MPHOSPH6: variants seen among roughly 807,000 people sequenced by gnomAD.
MPHOSPH6 encodes the protein M-phase phosphoprotein 6.
Under a neutral mutation model 21.8 loss-of-function variants are expected in MPHOSPH6, and 25 were observed. The observed-to-expected ratio is 1.15, with a 90% CI of 0.83 to 1.60. The LOEUF is 1.60. Ranked by LOEUF, MPHOSPH6 falls within the 40% of genes most tolerant of loss-of-function variation. The pLI is 0.00. For missense variants in MPHOSPH6, 269 were observed against 181.8 expected, an observed-to-expected ratio of 1.48 and a Z score of -2.76; for synonymous variants, 84 against 56.5, an observed-to-expected ratio of 1.49 and a Z score of -2.18.
Position 82,149,742 on chromosome 16 carries a change from T to C in MPHOSPH6, c.256-339A>G, listed in dbSNP as rs938206016. On this transcript the variant is annotated intron_variant, in intron 3 of 4. Coordinates refer to ENST00000258169, the MANE Select transcript of MPHOSPH6 (RefSeq NM_005792.2). ...GAAGAAATAATAAACTTTCAGATTT[T>C]CCCTGAACTTCCCCCACCCATCTTT... Among the ~76,000 whole-genome samples, 8 of 152,190 alleles carry C rather than the reference T, an allele frequency of 5.3e-5. No individual in the cohort carries two copies. The East Asian group carries it at 1.5e-3, about 29-fold the overall frequency.
chr16:82,170,094 G>T, intron 1 of MPHOSPH6, 31 bp downstream of exon 1: 1 of 1,577,632 alleles, frequency 6.3e-7, no homozygotes, highest in East Asian at 2.4e-5. Context: ...TGCCCCTACC[G>T]CCCGGAGTGG....
chr16:82,148,664 G>A lies in MPHOSPH6; in HGVS notation c.*67C>T, dbSNP rs1906158582. 6.4e-7 allele frequency: 1 copy of A among 1,567,060 alleles called. No individual in the cohort carries two copies. ...ATTAATAACTATAGAGACACCATTG[G>A]GATGAGCTCCAGATGCCCTGCTGAC... On this transcript the variant is annotated 3_prime_UTR_variant, in exon 5 of 5. Coordinates refer to ENST00000258169, the MANE Select transcript of MPHOSPH6 (RefSeq NM_005792.2).
In MPHOSPH6 at chr16:82,148,814, C is replaced by T; in HGVS notation, c.400G>A (p.Asp134Asn). 1 of 1,613,966 alleles carries T rather than the reference C, an allele frequency of 6.2e-7. No homozygotes were observed. Among genetic ancestry groups the T allele is most frequent in the Non-Finnish European group, 8.5e-7 (1 of 1,179,848 alleles). Residue 134 changes from aspartate to asparagine, a missense_variant, in exon 5 of 5, where the codon GAC (aspartate) becomes AAC (asparagine). Asp to Asn is a conservative substitution (Grantham distance 23). Transcript: ENST00000258169. ...TIGKKFARKRDHANYEEDENG... is the reference protein window; with the variant it reads ...TIGKKFARKRNHANYEEDENG... ...TCATCTTCTTCATAATTGGCATGGT[C>T]TCTCTTTCTGGCAAACTTTTTCCCA...
rs1283534033 is a variant in MPHOSPH6, at chr16:82,151,481, T to C, written c.198A>G (p.Leu66=). 3.1e-6 allele frequency: 5 copies of C among 1,605,170 alleles called. No individual in the cohort carries two copies. Among genetic ancestry groups the C allele is most frequent in the East Asian group, 4.5e-5 (2 of 44,724 alleles). Residue 66 remains leucine, a synonymous_variant, in exon 3 of 5, where the codon CTA becomes CTG. Coordinates refer to ENST00000258169, the MANE Select transcript of MPHOSPH6 (RefSeq NM_005792.2). ...TTCTTCCATAGAGAAGATCTTCACA[T>C]AGTAAGAAACTCTGCTCTTCTATTA... The part of the protein sequence containing the change: ...SFIIEEQSFL[L]CEDLLYGRMS...
chr16:82,169,894 G>A (rs1906914493), intron 1 of MPHOSPH6, among the ~76,000 whole-genome samples: 1 of 152,190 alleles, frequency 6.6e-6, no homozygotes, highest in South Asian at 2.1e-4. Context: ...CTGCTTCTGT[G>A]TACTCAAGCT....
chr16:82,154,295 A>C (rs142564918), intron 2 of MPHOSPH6, among the ~76,000 whole-genome samples: 8 of 152,344 alleles, frequency 5.3e-5, no homozygotes, highest in African/African-American at 1.7e-4. Context: ...GCTACAAAAC[A>C]CACCCTAACA....
At chr16:82,149,192 C>T (rs1024078984) in intron 4 of MPHOSPH6, 117 bp downstream of exon 4, 50 of 1,081,280 alleles carry the variant, frequency 4.6e-5, no homozygotes, top group Non-Finnish European at 5.5e-5. Flanking sequence ...TCACAGTCAT[C>T]GTCCTACTGG....
intron 2 of MPHOSPH6, among the ~76,000 whole-genome samples, chr16:82,154,694 A>T (rs1249830953): frequency 6.6e-6 from 1 of 152,142 alleles, no homozygotes; most frequent in Non-Finnish European, 1.5e-5. Context: ...TGAAAAAAAA[A>T]CTGCAGTGAA....
chr16:82,149,426 C>T (rs756127791), intron 3 of MPHOSPH6, 23 bp from the exon 4 acceptor site: 1 of 1,602,918 alleles, frequency 6.2e-7, no homozygotes, highest in Non-Finnish European at 8.5e-7. Context: ...CCAGTGCTGA[C>T]CTTCAGGCTA....
intron 2 of MPHOSPH6, among the ~76,000 whole-genome samples, chr16:82,153,349 G>A (rs1906328067): frequency 6.6e-6 from 1 of 152,260 alleles, no homozygotes; most frequent in South Asian, 2.1e-4. Context: ...ACCATTTTCA[G>A]ATAATGAACA....
intron 4 of MPHOSPH6, among the ~76,000 whole-genome samples, 168 bp downstream of exon 4, chr16:82,149,141 G>C (rs1051203744): frequency 2.0e-5 from 3 of 152,192 alleles, no homozygotes; most frequent in African/African-American, 7.2e-5. Flanking sequence ...GGCAGCCTGA[G>C]ACAGGTCTGT....
chr16:82,160,003 C>G (rs1007587809), intron 2 of MPHOSPH6, among the ~76,000 whole-genome samples: 2 of 152,140 alleles, frequency 1.3e-5, no homozygotes, highest in Admixed American at 1.3e-4. Context: ...CACCATACAT[C>G]AAAGCTTTCA....
Position 82,148,810 on chromosome 16 carries a change from T to A in MPHOSPH6, c.404A>T (p.His135Leu). The A allele has an allele frequency of 1.2e-6, 2 of 1,614,180 alleles. No homozygotes were observed. Among genetic ancestry groups the A allele is most frequent in the Admixed American group, 1.7e-5 (1 of 60,026 alleles). ...IGKKFARKRD[H>L]ANYEEDENGD... ...ATTTTCATCTTCTTCATAATTGGCA[T>A]GGTCTCTCTTTCTGGCAAACTTTTT... The change falls in exon 5 of 5, where the codon CAT (histidine) becomes CTT (leucine). Residue 135 changes from histidine (H) to leucine (L), a missense_variant. His to Leu is a moderately conservative substitution (Grantham distance 99). Coordinates refer to ENST00000258169, the MANE Select transcript of MPHOSPH6 (RefSeq NM_005792.2).
chr16:82,154,198 G>T lies in MPHOSPH6; in HGVS notation c.165-2684C>A, dbSNP rs531115757. On this transcript the variant is annotated intron_variant, in intron 2 of 4. Transcript: ENST00000258169. ...TTGCACAGAGCAAGGAAATGTTTGA[G>T]TTCTGCCTAGCCAGAGAGGAGAGAA... Among the ~76,000 whole-genome samples the T allele has an allele frequency of 5.8e-4, 89 of 152,320 alleles. 1 individual carries two copies. Among genetic ancestry groups the T allele is most frequent in the Middle Eastern group, 3.4e-3 (1 of 294 alleles).
At chr16:82,169,939 C>T (rs769211573) in intron 1 of MPHOSPH6, among the ~76,000 whole-genome samples, 186 bp downstream of exon 1, 2 of 152,168 alleles carry the variant, frequency 1.3e-5, no homozygotes, top group Non-Finnish European at 2.9e-5. Flanking sequence ...GAGAGTCGGC[C>T]TAATTCGTAA....
At chr16:82,163,375 C>T (rs1906665123) in intron 2 of MPHOSPH6, among the ~76,000 whole-genome samples, 1 of 152,044 alleles carries the variant, frequency 6.6e-6, no homozygotes, top group Non-Finnish European at 1.5e-5. Flanking sequence ...GAAATAAATC[C>T]AACACTCCTT....
At chr16:82,160,164 T>C (rs1026441780) in intron 2 of MPHOSPH6, among the ~76,000 whole-genome samples, 1 of 152,218 alleles carries the variant, frequency 6.6e-6, no homozygotes, top group African/African-American at 2.4e-5. Context: ...GTTTTGTATC[T>C]ACATGCATGG....
At chr16:82,150,051 A>AG (rs1906215137) in intron 3 of MPHOSPH6, among the ~76,000 whole-genome samples, 2 of 150,880 alleles carry the variant, frequency 1.3e-5, no homozygotes, top group African/African-American at 2.4e-5. Context: ...CTTTTTAGCA[A>AG]GAGGAGAAGG....
intron 4 of MPHOSPH6, 86 bp downstream of exon 4, chr16:82,149,223 C>T (rs1015609979): frequency 7.3e-6 from 10 of 1,362,228 alleles, no homozygotes; most frequent in Middle Eastern, 1.9e-4. Context: ...TGAAAGCTGC[C>T]GTGCACTGTG....
Sources: gnomAD v4.1 joint callset for allele counts (sites outside exome capture counted in the v4.1 genomes callset) on GRCh38, gnomAD v4.1.1 for gene constraint, MANE v1.5 for transcripts, NCBI Gene and HGNC (gene_info 2026-07-23, HGNC 2026-07-21) for gene names.